Variants in EP400 observed in about 807,000 individuals in gnomAD.
The protein encoded by EP400 is E1A-binding protein p400.
A neutral mutation model predicts 354.1 loss-of-function variants in EP400; 105 were observed. The ratio of observed to expected loss-of-function variants is 0.30; its 90% CI spans 0.25 to 0.35. EP400 has a LOEUF of 0.35. Among genes scored for constraint, EP400 ranks in the 10% least tolerant of loss-of-function variants. The pLI, the probability that EP400 is intolerant of heterozygous loss-of-function variation, is 1.00. For missense variants in EP400, 3,280 were observed against 4,121.0 expected (o/e 0.80, Z 5.59); for synonymous variants, 1,646 against 1,716.9 (o/e 0.96, Z 1.02).
chr12:132,049,107 A>G (rs1472844448), intron 39 of EP400, among the ~76,000 whole-genome samples: 1 of 152,212 alleles, frequency 6.6e-6, no homozygotes, highest in African/African-American at 2.4e-5. Context: ...TGATAGTGAC[A>G]GTGGTCGGAT....
At chr12:131,973,798 G>A (rs1475980638) in intron 2 of EP400, among the ~76,000 whole-genome samples, 1 of 152,040 alleles carries the variant, frequency 6.6e-6, no homozygotes, top group Non-Finnish European at 1.5e-5. Context: ...AGGTTTTGTG[G>A]TTGTGTTGAG....
At position 132,067,542 on chromosome 12, in the gene EP400, C is replaced by T; in HGVS notation, c.8874+56C>T. On this transcript the variant is annotated intron_variant, in intron 50 of 52. Transcript: ENST00000389561. This position sits in a 1 kb window ranked among gnomAD's most constrained non-coding sequence, Gnocchi z 5.3. ...GTCTATGCCAAGCCAAAGCTGGCTGCTGGAGGAGAGGGTCCTAAGCAGACA... is the reference window on the plus strand; with the variant it reads ...GTCTATGCCAAGCCAAAGCTGGCTGTTGGAGGAGAGGGTCCTAAGCAGACA... 1 of 1,580,258 alleles carries T rather than the reference C, an allele frequency of 6.3e-7. No homozygotes were observed. The highest frequency in any genetic ancestry group is 2.2e-5 in the East Asian group (1 of 44,482).
In EP400 at chr12:132,005,097, C is replaced by T. The variant is rs1893536928; in HGVS notation, c.2848C>T (p.Leu950=). 1.3e-6 allele frequency: 2 copies of T among 1,586,412 alleles called. No individual in the cohort carries two copies. The highest frequency in any genetic ancestry group is 2.3e-5 in the East Asian group (1 of 43,904). The part of the protein sequence containing the change: ...AKEAELPLLD[L]MKLYEGAFLP... The stretch of plus-strand genomic sequence containing the variant: ...TGCAGCTGAGCTGCCCCTCCTGGAC[C>T]TGATGAAGCTGTACGAAGGCGCCTT... Residue 950 remains leucine (L), a synonymous_variant, in exon 13 of 53, where the codon CTG becomes TTG. Transcript: ENST00000389561.
At position 132,038,768 on chromosome 12, in the gene EP400, T is replaced by C. The variant is rs548000647; in HGVS notation, c.6207+672T>C. ...GCTGTTCCCTCCCTGTCCCCGTGGC[T>C]TGCCCGCCAAAGCCCTGCAGCCCCA... On this transcript the variant is annotated intron_variant, in intron 32 of 52. Coordinates refer to ENST00000389561, the MANE Select transcript of EP400 (RefSeq NM_015409.5). This position sits in a 1 kb window ranked among gnomAD's most constrained non-coding sequence, Gnocchi z 4.2. Among the ~76,000 whole-genome samples, 1 of 152,292 alleles carries C rather than the reference T, an allele frequency of 6.6e-6. No individual in the cohort carries two copies. Among genetic ancestry groups the C allele is most frequent in the Admixed American group, 6.5e-5 (1 of 15,300 alleles).
intron 12 of EP400, among the ~76,000 whole-genome samples, chr12:131,998,137 G>A (rs1443871737): frequency 6.6e-6 from 1 of 151,952 alleles, no homozygotes; most frequent in Non-Finnish European, 1.5e-5. Flanking sequence ...TCTTTTATTG[G>A]CAAATTTGTA....
chr12:131,966,629 C>T (rs1035117682), intron 2 of EP400, among the ~76,000 whole-genome samples: 6 of 147,252 alleles, frequency 4.1e-5, no homozygotes, highest in East Asian at 2.0e-4. Flanking sequence ...TTAGGCCGGG[C>T]GTGGTAGCTC....
chr12:131,960,707 G>GGGGCCCCC lies in EP400; in HGVS notation c.88_89insGGGCCCCC (p.Ala30GlyfsTer35). The GGGGCCCCC allele has an allele frequency of 1.9e-6, 3 of 1,545,584 alleles. No individual in the cohort carries two copies. Among genetic ancestry groups the GGGGCCCCC allele is most frequent in the Non-Finnish European group, 2.6e-6 (3 of 1,146,240 alleles). On this transcript the variant is annotated frameshift_variant, in exon 2 of 53. Transcript: ENST00000389561. LOFTEE classifies it high-confidence loss of function. ...TGGCAGCGAGGGTGAGGAGCAGCCG[G>GGGGCCCCC]CCCACCCCAACCCACCCCCGTCCCC... is the stretch of plus-strand genomic sequence containing the variant.
In EP400 at chr12:132,071,151, T is replaced by C. The variant is rs186479987; in HGVS notation, c.9021+1510T>C. Reference sequence around the variant, plus strand: ...TTGTCAGAGTAAGAAAATTCTGTTCTTTTCTACTTTGCTTGAAGTTTCTGT... The same window carrying C: ...TTGTCAGAGTAAGAAAATTCTGTTCCTTTCTACTTTGCTTGAAGTTTCTGT... On this transcript the variant is annotated intron_variant, in intron 51 of 52. Coordinates refer to ENST00000389561, the MANE Select transcript of EP400 (RefSeq NM_015409.5). Among the ~76,000 whole-genome samples, 99 of 152,326 alleles carry C rather than the reference T, an allele frequency of 6.5e-4. No individual in the cohort carries two copies. The Middle Eastern group carries it at 0.041, about 63-fold the overall frequency.
chr12:132,001,685 G>C (rs1893420628), intron 12 of EP400, among the ~76,000 whole-genome samples: 1 of 152,152 alleles, frequency 6.6e-6, no homozygotes, highest in Non-Finnish European at 1.5e-5. Context: ...CGTCTTCCCA[G>C]ATCCTGGCGT....
rs778931043 is a variant in EP400, at chr12:132,055,188, G to T, written c.7864G>T (p.Val2622Leu). 8.9e-6 allele frequency: 14 copies of T among 1,571,390 alleles called. No homozygotes were observed. Among genetic ancestry groups the T allele is most frequent in the African/African-American group, 1.4e-5 (1 of 73,736 alleles). The change falls in exon 45 of 53, where the codon GTG (valine) becomes TTG (leucine). Residue 2622 changes from valine (V) to leucine (L), a missense_variant. By Grantham distance (32) the Val-to-Leu change is conservative. Transcript: ENST00000389561. ...QSINKRLASP[V>L]APGALTTPGG... ...CATCAACAAGCGCCTGGCGTCGCCA[G>T]TGGCTCCTGGGGCCTTGACTGTGAG...
intron 7 of EP400, among the ~76,000 whole-genome samples, chr12:131,988,292 G>A (rs576171696): frequency 2.6e-5 from 4 of 152,342 alleles, no homozygotes; most frequent in Non-Finnish European, 5.9e-5. Context: ...AGCATGCGTT[G>A]TTGGGATCAA....
intron 32 of EP400, among the ~76,000 whole-genome samples, chr12:132,040,903 T>G (rs1000376526): frequency 6.6e-6 from 1 of 152,072 alleles, no homozygotes; most frequent in Admixed American, 6.6e-5. Flanking sequence ...GAGACTCAGT[T>G]GTAGCAAGGC....
intron 15 of EP400, among the ~76,000 whole-genome samples, chr12:132,009,594 A>G (rs1893695798): frequency 6.6e-6 from 1 of 152,146 alleles, no homozygotes. Flanking sequence ...ATGACAACAG[A>G]AAGATTGCGG....
At position 132,067,032 on chromosome 12, in the gene EP400, G is replaced by A; in HGVS notation, c.8749+63G>A. On this transcript the variant is annotated intron_variant, in intron 49 of 52. Transcript: ENST00000389561. The surrounding 1 kb of genome is among the most constrained non-coding windows in gnomAD (Gnocchi z 5.3). Reference sequence around the variant, plus strand: ...GCCTGGTTTCACAGGCCTCTCTGGTGGCAGTGGTCGCCAGCGACCCGTGTT... The same window carrying A: ...GCCTGGTTTCACAGGCCTCTCTGGTAGCAGTGGTCGCCAGCGACCCGTGTT... 6.8e-7 allele frequency: 1 copy of A among 1,470,802 alleles called. No individual in the cohort carries two copies. Among genetic ancestry groups the A allele is most frequent in the African/African-American group, 1.4e-5 (1 of 70,324 alleles). The allele number at this position is 1,470,802 out of a possible 1,614,324, so 91.1% of individuals were successfully genotyped here.
Position 132,044,893 on chromosome 12 carries a change from G to A in EP400, c.6724G>A (p.Ala2242Thr). 6.2e-7 allele frequency: 1 copy of A among 1,614,176 alleles called. No homozygotes were observed. The highest frequency in any genetic ancestry group is 8.5e-7 in the Non-Finnish European group (1 of 1,180,036). ...LMYEATPIPE[A>T]KLPPVYVRKE... is the part of the protein sequence containing the mutation. ...GTATGAAGCCACTCCCATCCCAGAG[G>A]CTAAGCTGCCCCCTGTGTACGTGAG... The change falls in exon 37 of 53, where the codon GCT (alanine) becomes ACT (threonine). Residue 2242 changes from alanine to threonine, a missense_variant. By Grantham distance (58) the Ala-to-Thr change is moderately conservative (BLOSUM62 0). This residue lies in a region of EP400 where 231 missense variants were observed against 257.9 expected (regional missense o/e 0.90). Coordinates refer to ENST00000389561, the MANE Select transcript of EP400 (RefSeq NM_015409.5).
chr12:131,960,015 C>A (rs150953993), intron 1 of EP400, among the ~76,000 whole-genome samples: 2 of 152,296 alleles, frequency 1.3e-5, no homozygotes, highest in African/African-American at 2.4e-5. Context: ...TTGCTTCTGG[C>A]GAGGTGGTGC....
rs1359533392 is a variant in EP400 at position 131,961,117 on chromosome 12, T to G, written c.498T>G (p.Pro166=). The G allele has an allele frequency of 6.2e-7, 1 of 1,611,700 alleles. No individual in the cohort carries two copies. Among genetic ancestry groups the G allele is most frequent in the Non-Finnish European group, 8.5e-7 (1 of 1,178,952 alleles). Residue 166 remains proline, a synonymous_variant, in exon 2 of 53, where the codon CCT becomes CCG. Transcript: ENST00000389561. ...GPGLGLCSSS[P]TGGFVDASVL... ...GGCTGGGCCTCTGCAGCAGCAGCCCTACAGGGGGCTTCGTGGATGCCAGCG... is the reference window on the plus strand; with the variant it reads ...GGCTGGGCCTCTGCAGCAGCAGCCCGACAGGGGGCTTCGTGGATGCCAGCG...
chr12:131,959,937 G>T (rs1891820297), intron 1 of EP400, among the ~76,000 whole-genome samples: 1 of 152,222 alleles, frequency 6.6e-6, no homozygotes, highest in Admixed American at 6.5e-5. Context: ...GGATTTACAA[G>T]AGGAGAGTTT....
intron 48 of EP400, chr12:132,065,279 C>T (rs867520180): frequency 1.2e-5 from 3 of 241,454 alleles, no homozygotes; most frequent in Non-Finnish European, 1.6e-5. Context: ...TGAAGCTGCT[C>T]TCAGGTGACC....
Sources: allele counts gnomAD v4.1 joint callset (sites outside exome capture counted in the v4.1 genomes callset), GRCh38; gene constraint gnomAD v4.1.1; regional missense constraint gnomAD v4.1.1; non-coding constraint Gnocchi (gnomAD v3.1); transcripts MANE v1.5; gene names NCBI Gene and HGNC (gene_info 2026-07-23, HGNC 2026-07-21).